Variants in ARHGAP31 observed in about 807,000 individuals in gnomAD.
The protein encoded by ARHGAP31 is Rho GTPase activating protein 31.
In ARHGAP31, 34 loss-of-function variants were observed where a neutral mutation model predicts 113.9. That is an observed-to-expected ratio of 0.30 (90% confidence interval 0.23 to 0.40). The LOEUF (loss-of-function observed/expected upper bound fraction) is 0.40, where lower values mean the gene tolerates loss of function less well. Ranked by LOEUF, ARHGAP31 falls within the 10% of genes least tolerant of loss-of-function variation. The probability of loss-of-function intolerance (pLI) is 1.00; values close to 1 mark genes in which losing one functional copy is unlikely to be tolerated. For missense variants in ARHGAP31, 1,548 were observed against 1,767.1 expected (o/e 0.88, Z 2.22); for synonymous variants, 650 against 684.8 (o/e 0.95, Z 0.79).
In ARHGAP31 at chr3:119,402,299, T is replaced by C. The variant is rs1281520558; in HGVS notation, c.1547T>C (p.Leu516Pro). Residue 516 changes from leucine (L) to proline (P), a missense_variant, in exon 10 of 12, where the codon CTG (leucine) becomes CCG (proline). Coordinates refer to ENST00000264245, the MANE Select transcript of ARHGAP31 (RefSeq NM_020754.4). The stretch of plus-strand genomic sequence containing the variant: ...CCGTGCAGAACACCCCCGAAGGAGC[T>C]GCAGTCTCTTTCCAGCCTGGAAGAG... Reference protein sequence around the residue: ...STPCRTPPKELQSLSSLEEFS... With the variant: ...STPCRTPPKEPQSLSSLEEFS... 6.2e-7 allele frequency: 1 copy of C among 1,614,124 alleles called. No individual in the cohort carries two copies. Among genetic ancestry groups the C allele is most frequent in the African/African-American group, 1.3e-5 (1 of 74,954 alleles).
intron 1 of ARHGAP31, among the ~76,000 whole-genome samples, chr3:119,335,870 T>C (rs755407471): frequency 3.9e-5 from 6 of 152,138 alleles, no homozygotes; most frequent in Non-Finnish European, 5.9e-5. Flanking sequence ...AGATTCTGGG[T>C]TGAGTTTAAA....
chr3:119,392,121 C>A (rs1167691385), intron 7 of ARHGAP31, among the ~76,000 whole-genome samples: 1 of 152,144 alleles, frequency 6.6e-6, no homozygotes, highest in Non-Finnish European at 1.5e-5. Flanking sequence ...AGGAAACCAC[C>A]AAGCACTGCA....
intron 1 of ARHGAP31, among the ~76,000 whole-genome samples, chr3:119,300,838 AAAAAAAAGAAAG>A (rs2079576205): frequency 1.5e-5 from 2 of 137,556 alleles, no homozygotes; most frequent in South Asian, 2.4e-4. Flanking sequence ...CTCAAAAAAA[AAAAAAAAGAAAG>A]AAAGAAAGAA....
At chr3:119,307,628 A>G (rs1308291154) in intron 1 of ARHGAP31, among the ~76,000 whole-genome samples, 1 of 152,204 alleles carries the variant, frequency 6.6e-6, no homozygotes, top group African/African-American at 2.4e-5. Context: ...TCTAAGTTTT[A>G]TATTTCTTTA....
chr3:119,409,703 C>G lies in ARHGAP31; in HGVS notation c.1853C>G (p.Ala618Gly), dbSNP rs1577034286. ...PEKVVEEGRE[A>G]GEMESSTLQE... ...AAGGTGGTGGAGGAGGGACGAGAGG[C>G]TGGTGAGATGGAGTCCAGCACCCTG... Residue 618 changes from alanine to glycine, a missense_variant, in exon 11 of 12, where the codon GCT becomes GGT. Physicochemically the swap from Ala to Gly is moderately conservative, Grantham distance 60. Transcript: ENST00000264245. 3 of 1,610,274 alleles carry G rather than the reference C, an allele frequency of 1.9e-6. No homozygotes were observed. Among genetic ancestry groups the G allele is most frequent in the East Asian group, 4.5e-5 (2 of 44,776 alleles).
At chr3:119,319,023 T>C (rs1486724117) in intron 1 of ARHGAP31, among the ~76,000 whole-genome samples, 1 of 152,128 alleles carries the variant, frequency 6.6e-6, no homozygotes. Context: ...TTGGGACTCA[T>C]TGTTAAAAAT....
intron 1 of ARHGAP31, among the ~76,000 whole-genome samples, chr3:119,357,956 A>G (rs1030777403): frequency 2.6e-5 from 4 of 152,258 alleles, no homozygotes; most frequent in African/African-American, 9.6e-5. Context: ...AATATAAATC[A>G]GAAATAAGAA....
chr3:119,341,335 C>T (rs2080006714), intron 1 of ARHGAP31, among the ~76,000 whole-genome samples: 1 of 152,134 alleles, frequency 6.6e-6, no homozygotes, highest in Non-Finnish European at 1.5e-5. Flanking sequence ...GTTGCTGTTG[C>T]TGATGATAAT....
intron 1 of ARHGAP31, among the ~76,000 whole-genome samples, chr3:119,358,035 T>C (rs770219897): frequency 1.6e-4 from 25 of 152,116 alleles, no homozygotes; most frequent in Non-Finnish European, 3.4e-4. Context: ...TTCACTGAAA[T>C]GTAAAACTTC....
At chr3:119,342,254 C>T (rs965512437) in intron 1 of ARHGAP31, among the ~76,000 whole-genome samples, 5 of 152,146 alleles carry the variant, frequency 3.3e-5, no homozygotes, top group Admixed American at 3.3e-4. Context: ...AGCCCTGCAT[C>T]CTCATCCAGC....
chr3:119,395,601 C>T (rs1453170387), intron 8 of ARHGAP31, among the ~76,000 whole-genome samples: 1 of 152,084 alleles, frequency 6.6e-6, no homozygotes, highest in Non-Finnish European at 1.5e-5. Flanking sequence ...AGCAGGGACC[C>T]TTCTTTTCCA....
At chr3:119,368,062 T>C (rs965693733) in intron 2 of ARHGAP31, among the ~76,000 whole-genome samples, 5 of 152,140 alleles carry the variant, frequency 3.3e-5, no homozygotes, top group African/African-American at 1.2e-4. Context: ...ATAGGACTTT[T>C]TGGCAAATTA....
chr3:119,297,970 C>G (rs1277170672), intron 1 of ARHGAP31, among the ~76,000 whole-genome samples: 1 of 151,090 alleles, frequency 6.6e-6, no homozygotes, highest in African/African-American at 2.5e-5. Context: ...CTGCAGGTAT[C>G]TACATAGATG....
At position 119,414,346 on chromosome 3, in the gene ARHGAP31, G is replaced by C. The variant is rs765107331; in HGVS notation, c.2417G>C (p.Arg806Thr). 7 of 1,614,226 alleles carry C rather than the reference G, an allele frequency of 4.3e-6. No homozygotes were observed. The South Asian group carries it at 7.7e-5, about 18-fold the overall frequency. Residue 806 changes from arginine to threonine, a missense_variant, in exon 12 of 12, where the codon AGA (arginine) becomes ACA (threonine). Transcript: ENST00000264245. ...CTGCTTTCAAAGGGCGGCCCGGAAA[G>C]AGAAGACTCATCCAGGAAATTGAGG... is the stretch of plus-strand genomic sequence containing the variant. ...PVLLSKGGPE[R>T]EDSSRKLRTD...
intron 1 of ARHGAP31, among the ~76,000 whole-genome samples, chr3:119,360,535 TG>T (rs1157705432): frequency 6.6e-6 from 1 of 152,220 alleles, no homozygotes; most frequent in African/African-American, 2.4e-5. Flanking sequence ...TTATGACTTC[TG>T]GGGGTGACTT....
chr3:119,390,902 A>G lies in ARHGAP31; in HGVS notation c.800A>G (p.Glu267Gly). The G allele has an allele frequency of 6.2e-7, 1 of 1,614,148 alleles. No homozygotes were observed. The highest frequency in any genetic ancestry group is 8.5e-7 in the Non-Finnish European group (1 of 1,180,036). Residue 267 changes from glutamate (E) to glycine (G), a missense_variant, in exon 7 of 12, where the codon GAA becomes GGA. Coordinates refer to ENST00000264245, the MANE Select transcript of ARHGAP31 (RefSeq NM_020754.4). The part of the protein sequence containing the change: ...SLATNHPARK[E>G]RRENSLPEIV... Reference sequence around the variant, plus strand: ...GCCACTAACCATCCTGCTCGCAAGGAAAGGAGGGAGAACAGCCTGCCTGAG... The same window carrying G: ...GCCACTAACCATCCTGCTCGCAAGGGAAGGAGGGAGAACAGCCTGCCTGAG...
At chr3:119,393,726 C>A in intron 8 of ARHGAP31, 135 bp downstream of exon 8, 1 of 1,268,502 alleles carries the variant, frequency 7.9e-7, no homozygotes, top group Non-Finnish European at 1.1e-6. Flanking sequence ...GAAGAGGAGT[C>A]TTTTTTCAAA....
At chr3:119,300,251 A>G (rs1025676704) in intron 1 of ARHGAP31, among the ~76,000 whole-genome samples, 1 of 152,252 alleles carries the variant, frequency 6.6e-6, no homozygotes, top group Admixed American at 6.5e-5. Context: ...GGGCAAGCAC[A>G]TGGTAAACCA....
At chr3:119,393,436 AAACT>A (rs2080522039) in intron 7 of ARHGAP31, 27 bp from the exon 8 acceptor site, 1 of 1,613,624 alleles carries the variant, frequency 6.2e-7, no homozygotes, top group Admixed American at 1.7e-5. Context: ...ACAAGTTAAC[AAACT>A]AACCCCTTAT....
Sources: gnomAD v4.1 joint callset for allele counts (sites outside exome capture counted in the v4.1 genomes callset) on GRCh38, gnomAD v4.1.1 for gene constraint, MANE v1.5 for transcripts, NCBI Gene and HGNC (gene_info 2026-07-23, HGNC 2026-07-21) for gene names.